LRMDA: variants seen among roughly 807,000 people sequenced by gnomAD.
LRMDA encodes the protein leucine-rich melanocyte differentiation-associated protein.
In LRMDA, 18 loss-of-function variants were observed where a neutral mutation model predicts 29.8. The ratio of observed to expected loss-of-function variants is 0.60; its 90% CI spans 0.42 to 0.90. The LOEUF (loss-of-function observed/expected upper bound fraction) is 0.90, where lower values mean the gene tolerates loss of function less well. Among genes scored for constraint, LRMDA ranks in the 40% least tolerant of loss-of-function variants. The pLI, the probability that LRMDA is intolerant of heterozygous loss-of-function variation, is 0.00. For synonymous variants in LRMDA, 125 were observed against 109.4 expected, an observed-to-expected ratio of 1.14 and a Z score of -0.89; for missense variants, 273 against 273.9, an observed-to-expected ratio of 1.00 and a Z score of 0.02.
intron 6 of LRMDA, among the ~76,000 whole-genome samples, chr10:76,354,461 C>T (rs564443388): frequency 3.9e-4 from 60 of 152,128 alleles, no homozygotes; most frequent in Non-Finnish European, 7.8e-4. Context: ...CAGATAATAC[C>T]AAGAGTCACT....
chr10:76,117,022 G>A (rs1849678895), intron 5 of LRMDA, among the ~76,000 whole-genome samples: 1 of 152,062 alleles, frequency 6.6e-6, no homozygotes, highest in South Asian at 2.1e-4. Flanking sequence ...GTTAGAACCT[G>A]GGCTGGGCAG....
chr10:75,802,265 C>G (rs1030044368), intron 2 of LRMDA, among the ~76,000 whole-genome samples: 1 of 152,032 alleles, frequency 6.6e-6, no homozygotes, highest in African/African-American at 2.4e-5. Context: ...CTGCATTGAG[C>G]TGTAATTGTG....
intron 2 of LRMDA, among the ~76,000 whole-genome samples, chr10:75,668,651 G>A (rs889649122): frequency 6.6e-6 from 1 of 152,074 alleles, no homozygotes; most frequent in Non-Finnish European, 1.5e-5. Context: ...TTTTTTGAAT[G>A]AATTAATTCT....
At chr10:76,150,899 A>G (rs926686988) in intron 5 of LRMDA, among the ~76,000 whole-genome samples, 2 of 152,056 alleles carry the variant, frequency 1.3e-5, no homozygotes, top group Non-Finnish European at 2.9e-5. Flanking sequence ...TTTTGTTTAA[A>G]CCTTCGAGAG....
intron 2 of LRMDA, among the ~76,000 whole-genome samples, chr10:75,998,269 CAA>C (rs750945134): frequency 6.6e-5 from 10 of 152,244 alleles, no homozygotes; most frequent in Non-Finnish European, 1.5e-4. Flanking sequence ...GACTTATCCC[CAA>C]AAGTCTTCTC....
intron 5 of LRMDA, among the ~76,000 whole-genome samples, chr10:76,069,630 G>A (rs1358454363): frequency 1.3e-5 from 2 of 151,262 alleles, no homozygotes; most frequent in African/African-American, 4.9e-5. Flanking sequence ...TTTGAAGTGG[G>A]GGATATGTAC....
chr10:76,058,727 C>G lies in LRMDA; in HGVS notation c.460C>G (p.Gln154Glu). ...TCTGGATGCCCAGAAAGTAACCAGA[C>G]AAGAACGAGAGGAGGCGTTGGTCAG... Reference protein sequence around the residue: ...KFLDAQKVTRQEREEALVRGV... With the variant: ...KFLDAQKVTREEREEALVRGV... The change falls in exon 5 of 7, where the codon CAA becomes GAA. Residue 154 changes from glutamine to glutamate, a missense_variant. By Grantham distance (29) the Gln-to-Glu change is conservative. Transcript: ENST00000611255. 1 of 1,614,084 alleles carries G rather than the reference C, an allele frequency of 6.2e-7. No homozygotes were observed. Among genetic ancestry groups the G allele is most frequent in the Non-Finnish European group, 8.5e-7 (1 of 1,180,004 alleles).
At chr10:76,233,100 T>G (rs552450649) in intron 5 of LRMDA, among the ~76,000 whole-genome samples, 1 of 152,338 alleles carries the variant, frequency 6.6e-6, no homozygotes, top group African/African-American at 2.4e-5. Flanking sequence ...CAAACTGTAA[T>G]CAGCTTGGAG....
rs1380388669 is a variant in LRMDA, at chr10:75,709,260, ATAGAG to A, written c.131+270771_131+270775del. Among the ~76,000 whole-genome samples the A allele has an allele frequency of 7.9e-5, 12 of 152,318 alleles. No homozygotes were observed. In the South Asian group the frequency reaches 1.9e-3, roughly 24 times the overall value. ...AAAGAGACAACAGGAAAATAAATTT[ATAGAG>A]TAGATTGCAATGATGATGCTAACAC... On this transcript the variant is annotated intron_variant, in intron 2 of 6. Coordinates refer to ENST00000611255, the MANE Select transcript of LRMDA (RefSeq NM_001305581.2).
At chr10:76,214,854 AT>A (rs1388514302) in intron 5 of LRMDA, among the ~76,000 whole-genome samples, 1 of 152,176 alleles carries the variant, frequency 6.6e-6, no homozygotes, top group Non-Finnish European at 1.5e-5. Context: ...GTACTTGGTG[AT>A]TTTGGGGCTT....
chr10:75,792,820 G>A (rs2132253801), intron 2 of LRMDA, among the ~76,000 whole-genome samples: 1 of 152,314 alleles, frequency 6.6e-6, no homozygotes, highest in African/African-American at 2.4e-5. Flanking sequence ...AGGACTAAAT[G>A]AGTTGATATA....
intron 2 of LRMDA, among the ~76,000 whole-genome samples, chr10:75,512,903 G>T (rs1845242122): frequency 6.6e-6 from 1 of 152,074 alleles, no homozygotes; most frequent in African/African-American, 2.4e-5. Flanking sequence ...AACAAAATTT[G>T]ACAGATGGTT....
At chr10:76,413,171 T>G in intron 6 of LRMDA, among the ~76,000 whole-genome samples, 1 of 152,190 alleles carries the variant, frequency 6.6e-6, no homozygotes, top group East Asian at 1.9e-4. Flanking sequence ...CTTTGAGCCC[T>G]TTCTTTCTTT....
intron 5 of LRMDA, among the ~76,000 whole-genome samples, chr10:76,094,611 G>A (rs1278779373): frequency 6.6e-6 from 1 of 152,156 alleles, no homozygotes; most frequent in African/African-American, 2.4e-5. Flanking sequence ...AGGTGTCCAT[G>A]GACTGGTGCC....
At chr10:76,055,063 C>CAAAAAAAAAAAAAAAAAAAAAA (rs531729040) in intron 4 of LRMDA, among the ~76,000 whole-genome samples, 21 of 45,902 alleles carry the variant, frequency 4.6e-4, no homozygotes, top group South Asian at 1.3e-3. Flanking sequence ...GACTCCATCT[C>CAAAAAAAAAAAAAAAAAAAAAA]AAAAAAAAAA....
At chr10:75,500,899 G>A (rs1302146923) in intron 2 of LRMDA, among the ~76,000 whole-genome samples, 2 of 152,098 alleles carry the variant, frequency 1.3e-5, no homozygotes, top group African/African-American at 4.8e-5. Context: ...CAGACCTAAA[G>A]CCTATCCAAA....
intron 2 of LRMDA, among the ~76,000 whole-genome samples, chr10:75,823,184 C>T (rs1257639531): frequency 6.6e-6 from 1 of 152,134 alleles, no homozygotes; most frequent in African/African-American, 2.4e-5. Context: ...GGACAACCTA[C>T]AGAATGGGAG....
chr10:76,009,435 C>T (rs1324542879), intron 2 of LRMDA, among the ~76,000 whole-genome samples: 1 of 152,176 alleles, frequency 6.6e-6, no homozygotes, highest in East Asian at 1.9e-4. Context: ...AGTGTGATGT[C>T]TTAAAATTCG....
At chr10:76,450,215 C>A (rs962675567) in intron 6 of LRMDA, among the ~76,000 whole-genome samples, 2 of 151,990 alleles carry the variant, frequency 1.3e-5, no homozygotes, top group African/African-American at 4.8e-5. Flanking sequence ...TGGACATAAA[C>A]CTCTTAAGTT....
Sources: allele counts gnomAD v4.1 joint callset (sites outside exome capture counted in the v4.1 genomes callset), GRCh38; gene constraint gnomAD v4.1.1; transcripts MANE v1.5; gene names NCBI Gene and HGNC (gene_info 2026-07-23, HGNC 2026-07-21).